GLIS3: variants seen among roughly 807,000 people sequenced by gnomAD.
GLIS3 encodes zinc finger protein GLIS3.
Under a neutral mutation model 78.6 loss-of-function variants are expected in GLIS3, and 53 were observed. The ratio of observed to expected loss-of-function variants is 0.67; its 90% CI spans 0.54 to 0.85. GLIS3 has a LOEUF of 0.85. Ranked by LOEUF, GLIS3 falls within the 40% of genes least tolerant of loss-of-function variation. GLIS3 has a pLI of 0.00. For missense variants in GLIS3, 1,703 were observed against 1,231.1 expected, an observed-to-expected ratio of 1.38 and a Z score of -5.74; for synonymous variants, 684 against 509.9, an observed-to-expected ratio of 1.34 and a Z score of -4.60.
At chr9:4,069,041 G>A (rs1003948509) in intron 4 of GLIS3, among the ~76,000 whole-genome samples, 2 of 152,102 alleles carry the variant, frequency 1.3e-5, no homozygotes, top group Admixed American at 6.6e-5. Context: ...CAGGCCAATA[G>A]AGTTAGTTCC....
chr9:3,848,087 G>A (rs988206954), intron 9 of GLIS3, among the ~76,000 whole-genome samples: 1 of 152,194 alleles, frequency 6.6e-6, no homozygotes, highest in African/African-American at 2.4e-5. Context: ...GTGACACAAT[G>A]CTTAAGTTCT....
chr9:4,144,989 G>A (rs1316143437), intron 2 of GLIS3: 1 of 152,208 alleles, frequency 6.6e-6, no homozygotes, highest in African/African-American at 2.4e-5. Context: ...AAAAGGCAGT[G>A]TCCTTTTGTT....
At chr9:3,914,144 C>A (rs1385411030) in intron 6 of GLIS3, among the ~76,000 whole-genome samples, 1 of 126,296 alleles carries the variant, frequency 7.9e-6, no homozygotes, top group Non-Finnish European at 1.8e-5. Context: ...TAGTTTCTTT[C>A]TTTCTTTCTC....
chr9:4,340,616 T>C (rs1460420243), intron 2 of GLIS3, among the ~76,000 whole-genome samples: 1 of 152,140 alleles, frequency 6.6e-6, no homozygotes, highest in Non-Finnish European at 1.5e-5. Flanking sequence ...CATCTCCACA[T>C]CCACGCTATT....
chr9:4,298,925 A>G (rs1332948853), intron 1 of GLIS3, among the ~76,000 whole-genome samples: 1 of 152,122 alleles, frequency 6.6e-6, no homozygotes, highest in Non-Finnish European at 1.5e-5. Context: ...TGGAACTTGA[A>G]AAGACAACTA....
chr9:3,963,536 C>T (rs1817720045), intron 4 of GLIS3, among the ~76,000 whole-genome samples: 1 of 152,172 alleles, frequency 6.6e-6, no homozygotes, highest in Non-Finnish European at 1.5e-5. Context: ...CTGTTAGTGA[C>T]TCAGCCAGAG....
At chr9:4,292,167 G>A (rs1157456824) in intron 1 of GLIS3, among the ~76,000 whole-genome samples, 1 of 152,174 alleles carries the variant, frequency 6.6e-6, no homozygotes, top group East Asian at 1.9e-4. Context: ...TCATTTTAAA[G>A]TAGTGTTTTT....
At chr9:4,397,083 T>C in the GLIS3 span, among the ~76,000 whole-genome samples, 1 of 142,590 alleles carries the variant, frequency 7.0e-6, no homozygotes, top group South Asian at 2.3e-4. Flanking sequence ...TGGAGTGCAG[T>C]GGCGCGATCT....
intron 4 of GLIS3, among the ~76,000 whole-genome samples, chr9:3,991,829 T>C (rs1050997132): frequency 7.2e-5 from 11 of 151,940 alleles, no homozygotes; most frequent in African/African-American, 2.2e-4. Context: ...TAGCTGGGAC[T>C]ACAGGCGCCT....
Position 4,332,964 on chromosome 9 carries a change from C to A in GLIS3, n.264+14117G>T, listed in dbSNP as rs112455557. Among the ~76,000 whole-genome samples, 301 of 152,338 alleles carry A rather than the reference C, an allele frequency of 2.0e-3. 1 individual carries two copies. The highest frequency in any genetic ancestry group is 7.0e-3 in the African/African-American group (291 of 41,580). ...GACATTAATCTTGATTCAATGTTAA[C>A]GTTTTCAGCTCCCTAATTTTTATAG... On this transcript the variant is annotated intron_variant and non_coding_transcript_variant, in intron 2 of 4. Transcript: ENST00000471664.
At chr9:4,300,294 G>A (rs953856998), upstream of GLIS3, among the ~76,000 whole-genome samples, 3 of 151,774 alleles carry the variant, frequency 2.0e-5, no homozygotes, top group Non-Finnish European at 4.4e-5. Flanking sequence ...GGTAACAGCA[G>A]GGAGACACTT....
chr9:4,240,206 G>A (rs901675762), intron 2 of GLIS3, among the ~76,000 whole-genome samples: 1 of 131,358 alleles, frequency 7.6e-6, no homozygotes, highest in Non-Finnish European at 1.6e-5. Context: ...GGGGGGGGGG[G>A]ATGGTTTCGG....
intron 4 of GLIS3, among the ~76,000 whole-genome samples, chr9:3,983,696 C>T (rs898279440): frequency 1.3e-5 from 2 of 152,114 alleles, no homozygotes; most frequent in Non-Finnish European, 2.9e-5. Flanking sequence ...CATTTTTCCC[C>T]TGCCATAGAG....
rs933821962 is a variant in GLIS3 at position 4,041,045 on chromosome 9, G to A, written c.1710+76723C>T. Among the ~76,000 whole-genome samples the A allele has an allele frequency of 3.3e-5, 5 of 152,234 alleles. No individual in the cohort carries two copies. The South Asian group carries it at 1.0e-3, about 32-fold the overall frequency. On this transcript the variant is annotated intron_variant, in intron 4 of 10. Transcript: ENST00000381971. ...AACTTTGAAAGTGAAGGATAGTTAT[G>A]TGGAGTGAGTACCATCAAGAAGGTG...
At chr9:4,353,661 G>C in the GLIS3 span, among the ~76,000 whole-genome samples, 1 of 152,306 alleles carries the variant, frequency 6.6e-6, no homozygotes, top group Non-Finnish European at 1.5e-5. Context: ...GTAAGCTAGA[G>C]TCTAAGATCA....
At chr9:4,225,732 A>G (rs1448011632) in intron 2 of GLIS3, among the ~76,000 whole-genome samples, 2 of 152,216 alleles carry the variant, frequency 1.3e-5, no homozygotes, top group Admixed American at 1.3e-4. Flanking sequence ...TGACATTGCT[A>G]ATGTATGAGA....
chr9:4,070,974 G>C (rs952038559), intron 4 of GLIS3: 1 of 152,096 alleles, frequency 6.6e-6, no homozygotes, highest in African/African-American at 2.4e-5. Flanking sequence ...AAACAGCTTT[G>C]TCATTATTTT....
At chr9:3,910,702 C>G (rs1408808739) in intron 6 of GLIS3, among the ~76,000 whole-genome samples, 1 of 152,184 alleles carries the variant, frequency 6.6e-6, no homozygotes, top group Non-Finnish European at 1.5e-5. Context: ...GTTCAACTAC[C>G]ATGTGATACT....
At chr9:4,470,038 G>C in the GLIS3 span, among the ~76,000 whole-genome samples, 84,012 of 151,898 alleles carry the variant, frequency 0.55, 24,443 homozygotes, top group Middle Eastern at 0.66. Flanking sequence ...CATACACCCT[G>C]CCAAGACTAA....
Sources: gnomAD v4.1 joint callset for allele counts (sites outside exome capture counted in the v4.1 genomes callset) on GRCh38, gnomAD v4.1.1 for gene constraint, MANE v1.5 for transcripts, NCBI Gene and HGNC (gene_info 2026-07-23, HGNC 2026-07-21) for gene names.